Variants in CFAP74 observed in about 807,000 individuals in gnomAD.
CFAP74 encodes cilia- and flagella-associated protein 74.
In CFAP74, 124 loss-of-function variants were observed where a neutral mutation model predicts 188.9. The observed-to-expected ratio is 0.66, with a 90% confidence interval of 0.57 to 0.76. The LOEUF (loss-of-function observed/expected upper bound fraction) is 0.76. CFAP74 is among the 30% of genes least tolerant of loss of function. The probability of loss-of-function intolerance (pLI) is 0.00; values close to 1 mark genes in which losing one functional copy is unlikely to be tolerated. For missense variants in CFAP74, 2,198 were observed against 2,165.2 expected (o/e 1.02, Z -0.30); for synonymous variants, 956 against 916.7 (o/e 1.04, Z -0.77).
At chr1:1,978,146 C>T (rs1184735485) in intron 6 of CFAP74, among the ~76,000 whole-genome samples, 1 of 152,280 alleles carries the variant, frequency 6.6e-6, no homozygotes, top group East Asian at 1.9e-4. Flanking sequence ...CTGCATCCAG[C>T]TGTTGGTGAG....
chr1:1,927,830 C>A (rs895930202), intron 27 of CFAP74, 84 bp from the exon 28 acceptor site: 7 of 1,420,206 alleles, frequency 4.9e-6, no homozygotes, highest in African/African-American at 4.3e-5. Flanking sequence ...GCGGCCAGTG[C>A]GGGAACCGCG....
At chr1:1,948,084 A>G (rs113559636) in intron 18 of CFAP74, among the ~76,000 whole-genome samples, 5,993 of 151,960 alleles carry the variant, frequency 0.039, 356 homozygotes, top group African/African-American at 0.13. Flanking sequence ...TATCGGCCAG[A>G]CTGGTCTCGA....
At chr1:1,962,303 C>T (rs757650358) in intron 14 of CFAP74, among the ~76,000 whole-genome samples, 7 of 151,794 alleles carry the variant, frequency 4.6e-5, no homozygotes, top group Non-Finnish European at 8.8e-5. Flanking sequence ...TGGTGAAACC[C>T]CGTCTCTACT....
chr1:1,923,285 C>A lies in CFAP74; in HGVS notation c.4522+82G>T. On this transcript the variant is annotated intron_variant, in intron 36 of 38. Transcript: ENST00000682832. The surrounding 1 kb of genome is among the most constrained non-coding windows in gnomAD (Gnocchi z 6.3). Reference sequence around the variant, plus strand: ...GAAGGCTGGGAATCCCTGCCCTGCTCCGCTGGGTCTCGGGGCCCCCATCCA... The same window carrying A: ...GAAGGCTGGGAATCCCTGCCCTGCTACGCTGGGTCTCGGGGCCCCCATCCA... 1 of 1,504,388 alleles carries A rather than the reference C, an allele frequency of 6.6e-7. No homozygotes were observed. 93.2% of individuals were successfully genotyped at this position (1,504,388 alleles called of 1,614,324 possible).
Position 1,975,346 on chromosome 1 carries a change from C to T in CFAP74, c.501-1148G>A, listed in dbSNP as rs1190490713. Among the ~76,000 whole-genome samples, 1 of 152,196 alleles carries T rather than the reference C, an allele frequency of 6.6e-6. No homozygotes were observed. Among genetic ancestry groups the T allele is most frequent in the Non-Finnish European group, 1.5e-5 (1 of 68,040 alleles). On this transcript the variant is annotated intron_variant, in intron 6 of 38. Transcript: ENST00000682832. This position sits in a 1 kb window ranked among gnomAD's most constrained non-coding sequence, Gnocchi z 4.5. ...TTTAACGTGTTAATGTCAAGGATTT[C>T]TAACGTTGAGCCTTTTTCGGGGCTC...
chr1:1,974,278 A>T (rs1379822751), intron 6 of CFAP74, 80 bp from the exon 7 acceptor site: 2 of 1,413,010 alleles, frequency 1.4e-6, no homozygotes, highest in African/African-American at 2.9e-5. Context: ...AGTTCTGACA[A>T]ATCCTCCAGG....
rs1225220468 is a variant in CFAP74 at position 1,942,057 on chromosome 1, GGAC to G, written c.2583_2585del (p.Ser862del). The G allele has an allele frequency of 1.3e-6, 2 of 1,530,524 alleles. No homozygotes were observed. The highest frequency in any genetic ancestry group is 2.0e-5 in the Admixed American group (1 of 49,972). 94.8% of individuals were successfully genotyped at this position (1,530,524 alleles called of 1,614,324 possible). On this transcript the variant is annotated inframe_deletion, in exon 22 of 39. Transcript: ENST00000682832. This position sits in a 1 kb window ranked among gnomAD's most constrained non-coding sequence, Gnocchi z 4.3. ...GCAGGAACTTGAGCTGCACGGAGTA[GGAC>G]GACTGTGCCTGGATATAGCCTGTCT...
At chr1:1,983,825 A>T (rs1200725996) in intron 6 of CFAP74, 2 of 151,184 alleles carry the variant, frequency 1.3e-5, no homozygotes, top group African/African-American at 4.9e-5. Flanking sequence ...AGTAGCTGGG[A>T]CTACAGGCGC....
intron 21 of CFAP74, among the ~76,000 whole-genome samples, chr1:1,943,021 C>T (rs1024828595): frequency 1.3e-5 from 2 of 152,204 alleles, no homozygotes; most frequent in African/African-American, 4.8e-5. Context: ...TGCACCCCTA[C>T]TGCTGGGCCC....
At chr1:1,982,903 C>T (rs1656997963) in intron 6 of CFAP74, among the ~76,000 whole-genome samples, 1 of 152,234 alleles carries the variant, frequency 6.6e-6, no homozygotes, top group African/African-American at 2.4e-5. Flanking sequence ...GTGCGTTTCC[C>T]ACCTCTGTCT....
intron 14 of CFAP74, 189 bp from the exon 15 acceptor site, chr1:1,960,219 C>G (rs777072341): frequency 5.1e-6 from 3 of 591,818 alleles, no homozygotes; most frequent in Admixed American, 7.3e-5. Context: ...CAGTACCTGG[C>G]AGGCAGGGGG....
At chr1:1,970,510 G>A (rs977265183) in intron 10 of CFAP74, 149 bp downstream of exon 10, 29 of 832,762 alleles carry the variant, frequency 3.5e-5, no homozygotes, top group Non-Finnish European at 4.9e-5. Flanking sequence ...GCAGCCTGGA[G>A]CCCCTGTTCC....
intron 2 of CFAP74, 41 bp from the exon 3 acceptor site, chr1:1,989,014 ATC>A: frequency 2.8e-5 from 29 of 1,044,746 alleles, no homozygotes; most frequent in Non-Finnish European, 3.7e-5. Flanking sequence ...AAAAAAGCAG[ATC>A]AAACATTTGC....
intron 1 of CFAP74, among the ~76,000 whole-genome samples, chr1:1,992,938 C>T (rs370504566): frequency 1.1e-4 from 17 of 151,632 alleles, no homozygotes; most frequent in Admixed American, 4.6e-4. Context: ...CAGTGGCTCG[C>T]GCTTATAATC....
At chr1:1,964,516 G>A (rs1248949854) in intron 13 of CFAP74, among the ~76,000 whole-genome samples, 4 of 152,256 alleles carry the variant, frequency 2.6e-5, no homozygotes, top group Admixed American at 1.3e-4. Context: ...CAGGCCAGGC[G>A]CAGTGGCTCA....
At position 1,922,200 on chromosome 1, in the gene CFAP74, A is replaced by T; in HGVS notation, c.*87T>A. 1.0e-6 allele frequency: 1 copy of T among 994,240 alleles called. No homozygotes were observed. The highest frequency in any genetic ancestry group is 1.5e-6 in the Non-Finnish European group (1 of 652,862). 61.6% of individuals were successfully genotyped at this position (994,240 alleles called of 1,614,324 possible). On this transcript the variant is annotated 3_prime_UTR_variant, in exon 39 of 39. Coordinates refer to ENST00000682832, the MANE Select transcript of CFAP74 (RefSeq NM_001304360.2). ...ATCTGGCAGAGGATGGCCAGGTCCC[A>T]GGCTCTAGGGTAGTATGACCTGGCC...
intron 1 of CFAP74, among the ~76,000 whole-genome samples, chr1:1,992,221 G>A (rs1657627836): frequency 6.6e-6 from 1 of 152,042 alleles, no homozygotes; most frequent in South Asian, 2.1e-4. Flanking sequence ...CTGGAGTGCA[G>A]TGACACAATC....
rs374350850 is a variant in CFAP74, at chr1:1,972,063, T to C, written c.805A>G (p.Lys269Glu). 83 of 1,612,670 alleles carry C rather than the reference T, an allele frequency of 5.1e-5. No individual in the cohort carries two copies. The highest frequency in any genetic ancestry group is 1.1e-4 in the African/African-American group (8 of 75,064). The change falls in exon 9 of 39, where the codon AAG becomes GAG. Residue 269 changes from lysine (K) to glutamate (E), a missense_variant. Physicochemically the swap from Lys to Glu is moderately conservative, Grantham distance 56 (BLOSUM62 1). Transcript: ENST00000682832. The part of the protein sequence containing the change: ...SLGRIREQEK[K>E]EEMECHEYMR... ...TACTCGTGGCACTCCATCTCCTCCT[T>C]CTTCTCTTGCTCTCGGATTCTGAGG...
intron 16 of CFAP74, among the ~76,000 whole-genome samples, chr1:1,958,021 A>G (rs1472231274): frequency 6.6e-6 from 1 of 152,168 alleles, no homozygotes; most frequent in Non-Finnish European, 1.5e-5. Context: ...AAATACTCAA[A>G]CACTGGTGAG....
Sources: gnomAD v4.1 joint callset for allele counts (sites outside exome capture counted in the v4.1 genomes callset) on GRCh38, gnomAD v4.1.1 for gene constraint, Gnocchi (gnomAD v3.1) non-coding constraint, MANE v1.5 for transcripts, NCBI Gene and HGNC (gene_info 2026-07-23, HGNC 2026-07-21) for gene names.